SEMA3A: variants seen among roughly 807,000 people sequenced by gnomAD.
SEMA3A encodes the protein semaphorin 3A.
A neutral mutation model predicts 97.9 loss-of-function variants in SEMA3A; 29 were observed. The observed-to-expected ratio is 0.30, with a 90% CI of 0.22 to 0.40. The LOEUF (loss-of-function observed/expected upper bound fraction) is 0.40. Among genes scored for constraint, SEMA3A ranks in the 10% least tolerant of loss-of-function variants. The probability of loss-of-function intolerance (pLI) is 1.00; values close to 1 mark genes in which losing one functional copy is unlikely to be tolerated. For missense variants in SEMA3A, 763 were observed against 951.3 expected (o/e 0.80, Z 2.60); for synonymous variants, 321 against 323.7 (o/e 0.99, Z 0.09).
intron 1 of SEMA3A, among the ~76,000 whole-genome samples, chr7:84,166,478 G>A (rs1356433813): frequency 2.6e-5 from 4 of 151,264 alleles, no homozygotes; most frequent in Non-Finnish European, 5.9e-5. Context: ...GCCTAAGGCA[G>A]GAGAATTGCT....
At chr7:84,267,645 G>C (rs1393834389) in intron 3 of SEMA3A, among the ~76,000 whole-genome samples, 1 of 151,650 alleles carries the variant, frequency 6.6e-6, no homozygotes, top group Non-Finnish European at 1.5e-5. Flanking sequence ...TTAACAAGAT[G>C]ATTTTGTGGC....
At chr7:84,103,106 C>T (rs1448411184) in intron 4 of SEMA3A, among the ~76,000 whole-genome samples, 2 of 152,058 alleles carry the variant, frequency 1.3e-5, no homozygotes, top group East Asian at 1.9e-4. Context: ...TACAATTTTG[C>T]AGTGTGAACA....
chr7:84,050,272 A>T (rs1173229046), intron 5 of SEMA3A, among the ~76,000 whole-genome samples: 1 of 151,838 alleles, frequency 6.6e-6, no homozygotes, highest in African/African-American at 2.4e-5. Context: ...TAGATCTCTG[A>T]AGAATTGCCA....
intron 1 of SEMA3A, among the ~76,000 whole-genome samples, chr7:84,441,841 C>A (rs561337426): frequency 2.6e-5 from 4 of 152,112 alleles, no homozygotes; most frequent in East Asian, 3.9e-4. Flanking sequence ...CAGCAAATTT[C>A]TTTTTAAAAG....
chr7:84,115,282 G>C (rs915709105), intron 3 of SEMA3A, among the ~76,000 whole-genome samples: 8 of 151,996 alleles, frequency 5.3e-5, no homozygotes, highest in Non-Finnish European at 7.4e-5. Context: ...CTCTGTACAA[G>C]GCTCCCAAAT....
chr7:84,130,753 A>G (rs1156430214), intron 2 of SEMA3A, among the ~76,000 whole-genome samples: 1 of 151,916 alleles, frequency 6.6e-6, no homozygotes, highest in Non-Finnish European at 1.5e-5. Context: ...AGGGTAAAAC[A>G]TAACTTTTCT....
At chr7:84,409,091 A>C (rs1189386595) in intron 1 of SEMA3A, among the ~76,000 whole-genome samples, 2 of 149,610 alleles carry the variant, frequency 1.3e-5, no homozygotes, top group Non-Finnish European at 3.0e-5. Flanking sequence ...AAATGTAAAA[A>C]AAAATACAGT....
chr7:84,061,533 T>C (rs562066539), intron 4 of SEMA3A, among the ~76,000 whole-genome samples: 90 of 152,316 alleles, frequency 5.9e-4, no homozygotes, highest in Non-Finnish European at 1.1e-3. Flanking sequence ...GTACATTAAG[T>C]TGTCCACAGA....
chr7:84,238,316 C>T (rs1238318382), intron 3 of SEMA3A, among the ~76,000 whole-genome samples: 1 of 152,120 alleles, frequency 6.6e-6, no homozygotes, highest in Non-Finnish European at 1.5e-5. Flanking sequence ...ATCCGCCTGC[C>T]TCAGCCTCCC....
At chr7:84,119,895 T>G (rs1295238203) in intron 3 of SEMA3A, among the ~76,000 whole-genome samples, 3 of 152,142 alleles carry the variant, frequency 2.0e-5, no homozygotes, top group African/African-American at 7.2e-5. Context: ...TCTAAAAGTA[T>G]GTACACTGAT....
intron 6 of SEMA3A, among the ~76,000 whole-genome samples, chr7:84,025,568 A>G (rs1278617024): frequency 6.6e-6 from 1 of 152,192 alleles, no homozygotes. Flanking sequence ...TCTGGCTGCC[A>G]AGGAACGGGC....
At chr7:84,335,524 A>G (rs1802015721) in intron 2 of SEMA3A, among the ~76,000 whole-genome samples, 1 of 152,166 alleles carries the variant, frequency 6.6e-6, no homozygotes, top group Admixed American at 6.5e-5. Context: ...TACACACACA[A>G]TATGTTTAGT....
At chr7:83,984,732 A>G (rs1789561174) in intron 13 of SEMA3A, among the ~76,000 whole-genome samples, 1 of 150,620 alleles carries the variant, frequency 6.6e-6, no homozygotes, top group South Asian at 2.1e-4. Flanking sequence ...ATTACACAGT[A>G]TTTAGAAGCA....
chr7:84,014,152 A>C, intron 7 of SEMA3A, 57 bp downstream of exon 7: 1 of 1,524,966 alleles, frequency 6.6e-7, no homozygotes, highest in Non-Finnish European at 8.9e-7. Flanking sequence ...AAATTTTAAA[A>C]AGCAAAGCTG....
At position 83,991,714 on chromosome 7, in the gene SEMA3A, C is replaced by T. The variant is rs924793840; in HGVS notation, c.1453-6237G>A. Among the ~76,000 whole-genome samples, 97 of 150,626 alleles carry T rather than the reference C, an allele frequency of 6.4e-4. 1 individual carries two copies. The Middle Eastern group carries it at 0.014, about 21-fold the overall frequency. On this transcript the variant is annotated intron_variant, in intron 12 of 16. Coordinates refer to ENST00000265362, the MANE Select transcript of SEMA3A (RefSeq NM_006080.3). ...AAGCTTTTTGATGTGCTGCTGGATTCGGTTTGCCAGTATTTTATTGAGGAT... is the reference window on the plus strand; with the variant it reads ...AAGCTTTTTGATGTGCTGCTGGATTTGGTTTGCCAGTATTTTATTGAGGAT...
intron 2 of SEMA3A, among the ~76,000 whole-genome samples, chr7:84,339,422 A>G (rs1226252972): frequency 2.0e-5 from 3 of 152,140 alleles, no homozygotes; most frequent in Non-Finnish European, 4.4e-5. Flanking sequence ...GGTCCTTTCA[A>G]TATTTCTGTT....
chr7:84,346,166 C>T (rs1212660101), intron 2 of SEMA3A, among the ~76,000 whole-genome samples: 1 of 152,216 alleles, frequency 6.6e-6, no homozygotes, highest in Non-Finnish European at 1.5e-5. Flanking sequence ...CTTCAGCCTC[C>T]TCATCTCTCT....
chr7:84,014,441 A>C, intron 6 of SEMA3A, 90 bp from the exon 7 acceptor site: 1 of 961,962 alleles, frequency 1.0e-6, no homozygotes, highest in South Asian at 1.6e-5. Context: ...TTTAACTCTT[A>C]ATTGATATAT....
intron 1 of SEMA3A, among the ~76,000 whole-genome samples, chr7:84,135,791 T>C (rs948739588): frequency 6.6e-6 from 1 of 152,132 alleles, no homozygotes; most frequent in African/African-American, 2.4e-5. Context: ...TTCAAGCATT[T>C]TGGAGCTGAT....
Sources: allele counts gnomAD v4.1 joint callset (sites outside exome capture counted in the v4.1 genomes callset), GRCh38; gene constraint gnomAD v4.1.1; transcripts MANE v1.5; gene names NCBI Gene and HGNC (gene_info 2026-07-23, HGNC 2026-07-21).